Variants in VWC2L observed in about 807,000 individuals in gnomAD.
The protein encoded by VWC2L is von Willebrand factor C domain-containing protein 2-like.
A neutral mutation model predicts 21.6 loss-of-function variants in VWC2L; 10 were observed. That is an observed-to-expected ratio of 0.46 (90% confidence interval 0.29 to 0.78). The LOEUF is 0.78. VWC2L is among the 30% of genes least tolerant of loss of function. VWC2L has a pLI of 0.10. For synonymous variants in VWC2L, 96 were observed against 94.3 expected, an observed-to-expected ratio of 1.02 and a Z score of -0.10; for missense variants, 209 against 277.1, an observed-to-expected ratio of 0.75 and a Z score of 1.74.
At chr2:214,535,876 G>A (rs1201995727) in intron 3 of VWC2L, among the ~76,000 whole-genome samples, 1 of 151,858 alleles carries the variant, frequency 6.6e-6, no homozygotes, top group Admixed American at 6.6e-5. Context: ...GACCTTATAA[G>A]GCAGGCAATA....
intron 3 of VWC2L, among the ~76,000 whole-genome samples, chr2:214,480,035 A>C (rs1688580747): frequency 6.6e-6 from 1 of 152,156 alleles, no homozygotes; most frequent in Non-Finnish European, 1.5e-5. Context: ...CTTACACAGA[A>C]TTTACGTTGT....
intron 3 of VWC2L, among the ~76,000 whole-genome samples, chr2:214,501,682 T>A (rs12694332): frequency 0.88 from 129,798 of 147,802 alleles, 59,402 homozygotes; most frequent in Non-Finnish European, 1. Flanking sequence ...AGATCATGCC[T>A]CTGCGCTCCA....
intron 3 of VWC2L, among the ~76,000 whole-genome samples, chr2:214,547,882 A>C (rs1486992910): frequency 6.6e-6 from 1 of 152,218 alleles, no homozygotes; most frequent in Non-Finnish European, 1.5e-5. Flanking sequence ...TGTCCTGAAG[A>C]AGCACAGTGA....
chr2:214,541,401 T>C (rs11904475), intron 3 of VWC2L, among the ~76,000 whole-genome samples: 88,723 of 152,062 alleles, frequency 0.58, 26,360 homozygotes, highest in East Asian at 0.74. Flanking sequence ...AATCCCATTG[T>C]CATTAGAGCT....
At chr2:214,490,751 G>C (rs1183816877) in intron 3 of VWC2L, among the ~76,000 whole-genome samples, 1 of 152,182 alleles carries the variant, frequency 6.6e-6, no homozygotes, top group African/African-American at 2.4e-5. Context: ...TGATGTCCAG[G>C]AAGGAATGAG....
At chr2:214,532,573 CAAG>C (rs937786784) in intron 3 of VWC2L, among the ~76,000 whole-genome samples, 5 of 152,100 alleles carry the variant, frequency 3.3e-5, no homozygotes, top group East Asian at 3.9e-4. Context: ...AATTAGGAGA[CAAG>C]AAGAAGGGCT....
At chr2:214,475,368 A>G (rs1688499656) in intron 3 of VWC2L, among the ~76,000 whole-genome samples, 1 of 151,052 alleles carries the variant, frequency 6.6e-6, no homozygotes, top group South Asian at 2.1e-4. Context: ...CTTGTTAGTA[A>G]ACTAAAACCA....
intron 3 of VWC2L, among the ~76,000 whole-genome samples, chr2:214,501,715 C>T (rs12694334): frequency 0.88 from 122,848 of 139,384 alleles, 56,313 homozygotes; most frequent in Non-Finnish European, 1. Flanking sequence ...GAGCAAGACT[C>T]TGTCTCAAAA....
At chr2:214,434,366 GC>G in intron 2 of VWC2L, among the ~76,000 whole-genome samples, 1 of 152,150 alleles carries the variant, frequency 6.6e-6, no homozygotes. Flanking sequence ...CCTAACTTTG[GC>G]AACTACGGTT....
intron 3 of VWC2L, among the ~76,000 whole-genome samples, chr2:214,555,067 A>T (rs1157834083): frequency 6.6e-6 from 1 of 152,232 alleles, no homozygotes; most frequent in Non-Finnish European, 1.5e-5. Flanking sequence ...TTTTAGCTAC[A>T]TAACAAGAAC....
intron 2 of VWC2L, among the ~76,000 whole-genome samples, chr2:214,416,704 C>T (rs1574553000): frequency 6.6e-6 from 1 of 152,178 alleles, no homozygotes; most frequent in South Asian, 2.1e-4. Flanking sequence ...AAATTCATCA[C>T]TTGGATATAA....
intron 3 of VWC2L, among the ~76,000 whole-genome samples, chr2:214,441,788 A>C (rs1186961184): frequency 6.6e-6 from 1 of 152,054 alleles, no homozygotes; most frequent in Non-Finnish European, 1.5e-5. Flanking sequence ...ACTGTTTAGA[A>C]GAATACATAT....
chr2:214,428,814 C>CAAAA (rs11431112), intron 2 of VWC2L, among the ~76,000 whole-genome samples: 5 of 98,324 alleles, frequency 5.1e-5, no homozygotes, highest in Admixed American at 2.1e-4. Flanking sequence ...CAGACAGTGG[C>CAAAA]AAAAAAAAAA....
intron 3 of VWC2L, among the ~76,000 whole-genome samples, chr2:214,487,786 G>A (rs1330330864): frequency 6.6e-6 from 1 of 152,154 alleles, no homozygotes; most frequent in Non-Finnish European, 1.5e-5. Context: ...GCAATTCACA[G>A]TACCTTGTAG....
At chr2:214,478,228 A>G (rs1479712090) in intron 3 of VWC2L, among the ~76,000 whole-genome samples, 1 of 152,104 alleles carries the variant, frequency 6.6e-6, no homozygotes, top group East Asian at 1.9e-4. Context: ...TTAAAAAATA[A>G]TATCTGTTGG....
At chr2:214,489,042 T>C (rs1044555882) in intron 3 of VWC2L, among the ~76,000 whole-genome samples, 21 of 152,294 alleles carry the variant, frequency 1.4e-4, no homozygotes, top group African/African-American at 4.8e-4. Context: ...TTTGAATATA[T>C]TGTAATATAT....
intron 3 of VWC2L, among the ~76,000 whole-genome samples, chr2:214,449,427 T>G (rs1214873577): frequency 6.6e-6 from 1 of 152,220 alleles, no homozygotes; most frequent in Non-Finnish European, 1.5e-5. Context: ...AAAATGTGCC[T>G]TGATATCAGA....
chr2:214,510,411 C>T (rs1291595810), intron 3 of VWC2L, among the ~76,000 whole-genome samples: 1 of 152,110 alleles, frequency 6.6e-6, no homozygotes, highest in African/African-American at 2.4e-5. Context: ...TAGACAGTCT[C>T]CTAAGAAAAC....
At chr2:214,506,899 G>A (rs1688975158) in intron 3 of VWC2L, among the ~76,000 whole-genome samples, 1 of 151,790 alleles carries the variant, frequency 6.6e-6, no homozygotes, top group African/African-American at 2.4e-5. Context: ...TAAATATATA[G>A]AAAGAAGAGT....
Sources: gnomAD v4.1 joint callset for allele counts (sites outside exome capture counted in the v4.1 genomes callset) on GRCh38, gnomAD v4.1.1 for gene constraint, MANE v1.5 for transcripts, NCBI Gene and HGNC (gene_info 2026-07-23, HGNC 2026-07-21) for gene names.